The following WNT7B variants were observed in gnomAD, a reference collection of about 807,000 sequenced individuals.
WNT7B encodes Wnt family member 7B.
A neutral mutation model predicts 38.2 loss-of-function variants in WNT7B; 19 were observed. The observed-to-expected ratio is 0.50, with a 90% confidence interval of 0.35 to 0.73. The LOEUF is 0.73. Among genes scored for constraint, WNT7B ranks in the 30% least tolerant of loss-of-function variants. The pLI, the probability that WNT7B is intolerant of heterozygous loss-of-function variation, is 0.01. For synonymous variants in WNT7B, 243 were observed against 209.3 expected (o/e 1.16, Z -1.39); for missense variants, 423 against 507.9 (o/e 0.83, Z 1.61).
chr22:45,959,073 G>A (rs963862802), intron 1 of WNT7B, among the ~76,000 whole-genome samples: 1 of 152,226 alleles, frequency 6.6e-6, no homozygotes, highest in Non-Finnish European at 1.5e-5. Context: ...AAGGCCAGGC[G>A]TGGCAGAGCC....
At chr22:45,954,493 T>G (rs922125418) in intron 1 of WNT7B, among the ~76,000 whole-genome samples, 2 of 152,204 alleles carry the variant, frequency 1.3e-5, no homozygotes, top group Non-Finnish European at 2.9e-5. Context: ...TAGGACCCAA[T>G]TGAAGGGGAT....
At chr22:45,963,503 C>T (rs1241854326) in intron 1 of WNT7B, among the ~76,000 whole-genome samples, 5 of 152,156 alleles carry the variant, frequency 3.3e-5, no homozygotes, top group East Asian at 3.9e-4. Context: ...GCCTTCCCCA[C>T]GGCGAGCCCC....
chr22:45,933,708 T>G (rs1385164599), intron 2 of WNT7B, among the ~76,000 whole-genome samples: 3 of 152,162 alleles, frequency 2.0e-5, no homozygotes, highest in Non-Finnish European at 2.9e-5. Flanking sequence ...GGTTACATCT[T>G]AAGTGGGTAC....
intron 3 of WNT7B, among the ~76,000 whole-genome samples, chr22:45,928,934 C>G (rs972449531): frequency 4.6e-5 from 7 of 152,180 alleles, no homozygotes; most frequent in Non-Finnish European, 8.8e-5. Flanking sequence ...GTGCTCTTGC[C>G]CGCATCTCTG....
intron 1 of WNT7B, among the ~76,000 whole-genome samples, chr22:45,961,411 C>T (rs2063120516): frequency 6.6e-6 from 1 of 152,202 alleles, no homozygotes; most frequent in African/African-American, 2.4e-5. Context: ...CCAAAGCGCT[C>T]CCCTTTCCAA....
intron 3 of WNT7B, among the ~76,000 whole-genome samples, chr22:45,927,932 AGAG>A (rs1337349867): frequency 6.6e-6 from 1 of 152,238 alleles, no homozygotes; most frequent in Non-Finnish European, 1.5e-5. Flanking sequence ...ACTCAGGCTC[AGAG>A]GAGACCTGGT....
At chr22:45,957,597 T>C (rs1157912415) in intron 1 of WNT7B, among the ~76,000 whole-genome samples, 1 of 139,540 alleles carries the variant, frequency 7.2e-6, no homozygotes, top group African/African-American at 2.7e-5. Context: ...GGAAGGAGAA[T>C]TGCTTGAACC....
In WNT7B at chr22:45,920,700, GGGATGGGATGGGGGATGGGAT is replaced by G. The variant is rs1930900399; in HGVS notation, c.*2135_*2155del. 2 of 137,346 alleles carry G rather than the reference GGGATGGGATGGGGGATGGGAT, an allele frequency of 1.5e-5. No homozygotes were observed. Among genetic ancestry groups the G allele is most frequent in the Admixed American group, 7.2e-5 (1 of 13,940 alleles). 8.5% of individuals were successfully genotyped at this position (137,346 alleles called of 1,614,324 possible). A position where few individuals can be genotyped will look rare whatever the true frequency, so the allele number is the denominator to read the frequency against. On this transcript the variant is annotated 3_prime_UTR_variant, in exon 4 of 4. Coordinates refer to ENST00000339464, the MANE Select transcript of WNT7B (RefSeq NM_058238.3). ...AGGGATGGGATGGGGGATGGGGTCA[GGGATGGGATGGGGGATGGGAT>G]GAGGGATGAGATGAGGGATGGGATG...
intron 2 of WNT7B, among the ~76,000 whole-genome samples, chr22:45,937,775 T>A (rs9723003): frequency 0.15 from 23,366 of 152,220 alleles, 1,957 homozygotes; most frequent in African/African-American, 0.23. Context: ...TTTGGAAGGC[T>A]GAAGCAGGTG....
At chr22:45,924,451 C>T (rs967701420) in intron 3 of WNT7B, among the ~76,000 whole-genome samples, 2 of 152,192 alleles carry the variant, frequency 1.3e-5, no homozygotes, top group Non-Finnish European at 2.9e-5. Context: ...GAAGGTGCTG[C>T]GGGAACCCAG....
rs369424225 is a variant in WNT7B at position 45,950,125 on chromosome 22, G to A, written c.93C>T (p.Ala31=). 1.2e-5 allele frequency: 20 copies of A among 1,613,780 alleles called. No individual in the cohort carries two copies. Among genetic ancestry groups the A allele is most frequent in the Admixed American group, 3.3e-5 (2 of 60,008 alleles). Residue 31 remains alanine (A), a synonymous_variant, in exon 2 of 4, where the codon GCC becomes GCT. Transcript: ENST00000339464. The part of the protein sequence containing the change: ...VKLGALSSVV[A]LGANIICNKI... ...TGTTGCAGATGATGTTGGCTCCCAG[G>A]GCCACCACGGATGACAGTGCTCTGT...
chr22:45,947,108 G>A (rs9778246), intron 2 of WNT7B, among the ~76,000 whole-genome samples: 5,035 of 152,280 alleles, frequency 0.033, 258 homozygotes, highest in African/African-American at 0.11. Context: ...ATGACTCCCC[G>A]CAGCTGAGCC....
chr22:45,925,728 G>A, intron 3 of WNT7B: 1 of 985,392 alleles, frequency 1.0e-6, no homozygotes, highest in Non-Finnish European at 1.2e-6. Flanking sequence ...ATGCTCCCCA[G>A]GCCAGGCGCC....
intron 1 of WNT7B, among the ~76,000 whole-genome samples, chr22:45,967,851 C>T (rs1932346716): frequency 6.6e-6 from 1 of 152,172 alleles, no homozygotes; most frequent in African/African-American, 2.4e-5. Flanking sequence ...ATCATCACCT[C>T]GCCCCCCATC....
chr22:45,935,984 C>T, intron 2 of WNT7B: 2 of 985,376 alleles, frequency 2.0e-6, no homozygotes, highest in Non-Finnish European at 2.4e-6. Flanking sequence ...CCACAGCCTA[C>T]CCAAGCACAG....
chr22:45,964,495 C>T (rs1327406573), intron 1 of WNT7B, among the ~76,000 whole-genome samples: 2 of 152,158 alleles, frequency 1.3e-5, no homozygotes, highest in Non-Finnish European at 2.9e-5. Flanking sequence ...AGTGATGAAT[C>T]TGCCTTCCTA....
At chr22:45,932,400 C>G (rs1027877599) in intron 2 of WNT7B, among the ~76,000 whole-genome samples, 53 of 149,986 alleles carry the variant, frequency 3.5e-4, no homozygotes, top group African/African-American at 1.3e-3. Context: ...CCTCCCTGTC[C>G]AGGCAGCCTT....
intron 2 of WNT7B, among the ~76,000 whole-genome samples, chr22:45,932,244 CCT>C (rs1002087648): frequency 1.3e-5 from 2 of 152,200 alleles, no homozygotes; most frequent in Admixed American, 1.3e-4. Context: ...CTGCCTCAGC[CCT>C]CTCTCCCCAT....
chr22:45,960,864 C>T (rs962037337), intron 1 of WNT7B, among the ~76,000 whole-genome samples: 2 of 152,234 alleles, frequency 1.3e-5, no homozygotes, highest in East Asian at 3.8e-4. Flanking sequence ...TATAGGGGCT[C>T]TTCTATGGCT....
Sources: allele counts gnomAD v4.1 joint callset (sites outside exome capture counted in the v4.1 genomes callset), GRCh38; gene constraint gnomAD v4.1.1; transcripts MANE v1.5; gene names NCBI Gene and HGNC (gene_info 2026-07-23, HGNC 2026-07-21).